STAB2: variants seen among roughly 807,000 people sequenced by gnomAD.
The protein encoded by STAB2 is stabilin-2.
A neutral mutation model predicts 338.1 loss-of-function variants in STAB2; 288 were observed. That is an observed-to-expected ratio of 0.85 (90% CI 0.77 to 0.94). The LOEUF (loss-of-function observed/expected upper bound fraction) is 0.94. Among genes scored for constraint, STAB2 ranks in the 40% least tolerant of loss-of-function variants. The pLI is 0.00. For synonymous variants in STAB2, 1,202 were observed against 1,193.3 expected, an observed-to-expected ratio of 1.01 and a Z score of -0.15; for missense variants, 3,141 against 3,210.1, an observed-to-expected ratio of 0.98 and a Z score of 0.52.
At chr12:103,689,479 T>C (rs897894152) in intron 28 of STAB2, among the ~76,000 whole-genome samples, 1 of 129,598 alleles carries the variant, frequency 7.7e-6, no homozygotes, top group Non-Finnish European at 1.7e-5. Flanking sequence ...TGAGACTCCA[T>C]CTCAAAAAAA....
intron 7 of STAB2, among the ~76,000 whole-genome samples, chr12:103,637,804 C>A (rs1957572552): frequency 6.6e-6 from 1 of 152,204 alleles, no homozygotes; most frequent in African/African-American, 2.4e-5. Flanking sequence ...ACTACACACA[C>A]AAAATGGCCT....
chr12:103,762,411 G>A lies in STAB2; in HGVS notation c.7488+9G>A. The A allele has an allele frequency of 6.2e-7, 1 of 1,614,162 alleles. No individual in the cohort carries two copies. Among genetic ancestry groups the A allele is most frequent in the Non-Finnish European group, 8.5e-7 (1 of 1,180,022 alleles). The stretch of plus-strand genomic sequence containing the variant: ...GCTTCCAGCATTTTGAGGTAAGAGA[G>A]AAAAATGGGAACATGATGATGGGGT... On this transcript the variant is annotated intron_variant, in intron 67 of 68. Coordinates refer to ENST00000388887, the MANE Select transcript of STAB2 (RefSeq NM_017564.10).
In STAB2 at chr12:103,755,713, C is replaced by T; in HGVS notation, c.6982C>T (p.Leu2328=). ...LMSFPSLTNF[L]TEVLAYSNSS... Reference sequence around the variant, plus strand: ...GTCCTTCCCCTCACTCACAAACTTCCTGACGGTATGTACCATGTCTGCTTG... The same window carrying T: ...GTCCTTCCCCTCACTCACAAACTTCTTGACGGTATGTACCATGTCTGCTTG... The change falls in exon 63 of 69, where the codon CTG becomes TTG. Residue 2328 remains leucine (L), a synonymous_variant. Coordinates refer to ENST00000388887, the MANE Select transcript of STAB2 (RefSeq NM_017564.10). The T allele has an allele frequency of 6.2e-7, 1 of 1,614,134 alleles. No individual in the cohort carries two copies. Among genetic ancestry groups the T allele is most frequent in the East Asian group, 2.2e-5 (1 of 44,854 alleles).
intron 22 of STAB2, among the ~76,000 whole-genome samples, chr12:103,673,509 C>A (rs548927765): frequency 6.6e-6 from 1 of 151,788 alleles, no homozygotes; most frequent in Non-Finnish European, 1.5e-5. Flanking sequence ...CCATCATGCC[C>A]GGCTAATTTT....
intron 57 of STAB2, 118 bp from the exon 58 acceptor site, chr12:103,746,479 G>A: frequency 2.3e-6 from 2 of 876,156 alleles, no homozygotes; most frequent in Non-Finnish European, 3.8e-6. Context: ...TCTTCCTGCT[G>A]TACAGGGGCA....
In STAB2 at chr12:103,695,747, T is replaced by C; in HGVS notation, c.3485T>C (p.Leu1162Pro). The C allele has an allele frequency of 1.2e-6, 2 of 1,614,194 alleles. No individual in the cohort carries two copies. The highest frequency in any genetic ancestry group is 1.7e-6 in the Non-Finnish European group (2 of 1,180,032). ...CTCTTTCCATCGCAGCAATATAATC[T>C]GGCGAATGCAATTGAGGCTGCCGAT... The part of the protein sequence containing the change: ...IFRGYIIQYN[L>P]ANAIEAADAY... The change falls in exon 33 of 69, where the codon CTG (leucine) becomes CCG (proline). Residue 1162 changes from leucine to proline, a missense_variant. Physicochemically the swap from Leu to Pro is moderately conservative, Grantham distance 98. Coordinates refer to ENST00000388887, the MANE Select transcript of STAB2 (RefSeq NM_017564.10).
intron 12 of STAB2, among the ~76,000 whole-genome samples, 155 bp from the exon 13 acceptor site, chr12:103,654,400 C>T (rs1874017793): frequency 6.6e-6 from 1 of 152,206 alleles, no homozygotes; most frequent in African/African-American, 2.4e-5. Flanking sequence ...ACAAAGCAGA[C>T]ACTTTCATCC....
intron 18 of STAB2, among the ~76,000 whole-genome samples, chr12:103,665,966 G>A (rs1007904502): frequency 3.3e-5 from 5 of 152,226 alleles, no homozygotes; most frequent in African/African-American, 1.2e-4. Flanking sequence ...CCCCTCAGGG[G>A]CAGGTGCCTC....
At chr12:103,637,257 G>A in intron 7 of STAB2, 21 bp downstream of exon 7, 3 of 1,606,022 alleles carry the variant, frequency 1.9e-6, no homozygotes, top group Non-Finnish European at 8.5e-7. Flanking sequence ...TTTAGATTCT[G>A]CTAGTTTATT....
rs1442995941 is a variant in STAB2, at chr12:103,742,427, C to A, written c.5904C>A (p.Ala1968=). The A allele has an allele frequency of 6.2e-7, 1 of 1,614,084 alleles. No homozygotes were observed. Among genetic ancestry groups the A allele is most frequent in the Non-Finnish European group, 8.5e-7 (1 of 1,179,994 alleles). The change falls in exon 56 of 69, where the codon GCC becomes GCA. Residue 1968 remains alanine, a synonymous_variant. Transcript: ENST00000388887. ...CAGCCTGCCCTGGAGGACCAGATGC[C>A]CCGTGTAATAACCGGGGTGTCTGCC... ...DCQACPGGPD[A]PCNNRGVCLD...
At chr12:103,632,776 C>T (rs1957483696) in intron 6 of STAB2, among the ~76,000 whole-genome samples, 1 of 152,194 alleles carries the variant, frequency 6.6e-6, no homozygotes, top group Non-Finnish European at 1.5e-5. Context: ...CGTGTCCCGC[C>T]AGCGCCCTCT....
At chr12:103,756,362 G>A (rs1161176648) in intron 63 of STAB2, among the ~76,000 whole-genome samples, 1 of 152,170 alleles carries the variant, frequency 6.6e-6, no homozygotes, top group Non-Finnish European at 1.5e-5. Flanking sequence ...GCATTTAAGA[G>A]GACATTTCAT....
At chr12:103,648,856 A>C in intron 10 of STAB2, 33 bp downstream of exon 10, 1 of 1,605,118 alleles carries the variant, frequency 6.2e-7, no homozygotes, top group Non-Finnish European at 8.5e-7. Flanking sequence ...TTCCACACAA[A>C]AGTCCTCTTT....
Position 103,666,275 on chromosome 12 carries a change from C to CT in STAB2, c.2023-15dup, listed in dbSNP as rs1470003505. On this transcript the variant is annotated splice_polypyrimidine_tract_variant and intron_variant, in intron 18 of 68. Transcript: ENST00000388887. Reference sequence around the variant, plus strand: ...TCATAGGGACACCTGCACTGACCTCCTGTCTCTCCCTCCAGGGCACTTGTG... The same window carrying CT: ...TCATAGGGACACCTGCACTGACCTCCTTGTCTCTCCCTCCAGGGCACTTGTG... 1 of 1,613,744 alleles carries CT rather than the reference C, an allele frequency of 6.2e-7. No homozygotes were observed. Among genetic ancestry groups the CT allele is most frequent in the South Asian group, 1.1e-5 (1 of 91,058 alleles).
At chr12:103,677,688 T>A in intron 25 of STAB2, 77 bp downstream of exon 25, 1 of 1,522,362 alleles carries the variant, frequency 6.6e-7, no homozygotes, top group Non-Finnish European at 8.9e-7. Context: ...GACACAGAAG[T>A]ACTTTGGCTA....
Position 103,639,861 on chromosome 12 carries a change from T to C in STAB2, c.907-262T>C, listed in dbSNP as rs151042868. On this transcript the variant is annotated intron_variant, in intron 8 of 68. Coordinates refer to ENST00000388887, the MANE Select transcript of STAB2 (RefSeq NM_017564.10). ...ATAGACAATCTAAAACTGGGACTTATGGAGCTAGGGAGGTCAAGGGTTAGG... is the reference window on the plus strand; with the variant it reads ...ATAGACAATCTAAAACTGGGACTTACGGAGCTAGGGAGGTCAAGGGTTAGG... Among the ~76,000 whole-genome samples, 1,036 of 152,260 alleles carry C rather than the reference T, an allele frequency of 6.8e-3. 12 individuals are homozygous for C. The highest frequency in any genetic ancestry group is 0.023 in the African/African-American group (968 of 41,532).
At chr12:103,700,438 T>C (rs938732501) in intron 34 of STAB2, among the ~76,000 whole-genome samples, 1 of 152,244 alleles carries the variant, frequency 6.6e-6, no homozygotes, top group Non-Finnish European at 1.5e-5. Context: ...TAAATTTTTA[T>C]GTAAAATGGT....
At chr12:103,741,970 A>T (rs1222676751) in intron 55 of STAB2, among the ~76,000 whole-genome samples, 1 of 152,250 alleles carries the variant, frequency 6.6e-6, no homozygotes, top group Non-Finnish European at 1.5e-5. Flanking sequence ...GAAAATCAGT[A>T]TCATTCTAAT....
At position 103,667,634 on chromosome 12, in the gene STAB2, G is replaced by A. The variant is rs147809561; in HGVS notation, c.2086-1009G>A. On this transcript the variant is annotated intron_variant, in intron 19 of 68. Coordinates refer to ENST00000388887, the MANE Select transcript of STAB2 (RefSeq NM_017564.10). ...CCGGGAATCCTGTGACCCACACCTG[G>A]TTAATTATCCTGAGATTCCCAAAAG... 2.8e-3 allele frequency among the ~76,000 whole-genome samples: 420 copies of A among 152,268 alleles called. 1 individual carries two copies. The highest frequency in any genetic ancestry group is 0.01 in the Middle Eastern group (3 of 294).
Sources: allele counts gnomAD v4.1 joint callset (sites outside exome capture counted in the v4.1 genomes callset), GRCh38; gene constraint gnomAD v4.1.1; transcripts MANE v1.5; gene names NCBI Gene and HGNC (gene_info 2026-07-23, HGNC 2026-07-21).